Variants in SP4 observed in about 807,000 individuals in gnomAD.
SP4 encodes Sp4 transcription factor, also known as transcription factor Sp4.
Under a neutral mutation model 72.8 loss-of-function variants are expected in SP4, and 19 were observed. That is an observed-to-expected ratio of 0.26 (90% CI 0.18 to 0.38). The LOEUF is 0.38. Ranked by LOEUF, SP4 falls within the 10% of genes least tolerant of loss-of-function variation. The pLI is 1.00. For missense variants in SP4, 1,008 were observed against 926.3 expected (o/e 1.09, Z -1.14); for synonymous variants, 395 against 333.1 (o/e 1.19, Z -2.02).
chr7:21,479,298 C>T (rs1473157077), intron 4 of SP4, among the ~76,000 whole-genome samples: 1 of 148,460 alleles, frequency 6.7e-6, no homozygotes, highest in African/African-American at 2.5e-5. Flanking sequence ...ATAGTTTTTA[C>T]TCTTACATTT....
At chr7:21,487,724 CTT>C (rs1449754852) in intron 5 of SP4, among the ~76,000 whole-genome samples, 1 of 133,240 alleles carries the variant, frequency 7.5e-6, no homozygotes, top group Non-Finnish European at 1.6e-5. Flanking sequence ...TCCAGTGATT[CTT>C]TGTTTTTGTT....
intron 3 of SP4, among the ~76,000 whole-genome samples, chr7:21,451,248 T>G (rs906543632): frequency 3.3e-5 from 5 of 152,230 alleles, no homozygotes; most frequent in African/African-American, 7.2e-5. Flanking sequence ...TCCTGAGATC[T>G]TATCAGGAAG....
At chr7:21,490,346 A>G (rs993673296) in intron 5 of SP4, among the ~76,000 whole-genome samples, 2 of 152,220 alleles carry the variant, frequency 1.3e-5, no homozygotes, top group Admixed American at 6.5e-5. Flanking sequence ...CTTTTGCTCC[A>G]AAACCAGTTC....
intron 5 of SP4, among the ~76,000 whole-genome samples, chr7:21,499,262 T>A (rs1781806547): frequency 6.6e-6 from 1 of 152,172 alleles, no homozygotes; most frequent in Non-Finnish European, 1.5e-5. Flanking sequence ...TTTAAAAATG[T>A]CCCTTTAGTG....
At chr7:21,447,509 G>A (rs1021390590) in intron 3 of SP4, among the ~76,000 whole-genome samples, 1 of 152,170 alleles carries the variant, frequency 6.6e-6, no homozygotes, top group Admixed American at 6.6e-5. Context: ...ATTCTAGAAG[G>A]TGAAGAATAT....
At chr7:21,460,101 G>A (rs1783906828) in intron 3 of SP4, among the ~76,000 whole-genome samples, 1 of 152,154 alleles carries the variant, frequency 6.6e-6, no homozygotes, top group Admixed American at 6.5e-5. Context: ...GAGAAAAGGA[G>A]AGCCCTAACA....
rs959125663 is a variant in SP4, at chr7:21,429,436, G to C, written c.271G>C (p.Glu91Gln). Residue 91 changes from glutamate to glutamine, a missense_variant, in exon 3 of 6, where the codon GAA becomes CAA. Glu to Gln is a conservative substitution (Grantham distance 29). Coordinates refer to ENST00000222584, the MANE Select transcript of SP4 (RefSeq NM_003112.5). ...VQLQNQPQQLELVTTQLAGNA... is the reference protein window; with the variant it reads ...VQLQNQPQQLQLVTTQLAGNA... ...ACTTCAAAATCAACCACAACAGCTA[G>C]AACTGGTAACAACGCAACTTGCTGG... 6.2e-7 allele frequency: 1 copy of C among 1,614,036 alleles called. No individual in the cohort carries two copies. The highest frequency in any genetic ancestry group is 1.3e-5 in the African/African-American group (1 of 74,902).
chr7:21,451,288 G>A (rs921073309), intron 3 of SP4, among the ~76,000 whole-genome samples: 4 of 152,146 alleles, frequency 2.6e-5, no homozygotes, highest in Non-Finnish European at 5.9e-5. Flanking sequence ...GGTGTTTCTA[G>A]CTACTGAGAG....
At position 21,488,073 on chromosome 7, in the gene SP4, C is replaced by G. The variant is rs78114309; in HGVS notation, c.2107+5950C>G. ...GAGACAGATTTTTCTCAGTGTTGCCCAGGCTGGTGTTGAACTCCTGAGCTC... is the reference window on the plus strand; with the variant it reads ...GAGACAGATTTTTCTCAGTGTTGCCGAGGCTGGTGTTGAACTCCTGAGCTC... On this transcript the variant is annotated intron_variant, in intron 5 of 5. Coordinates refer to ENST00000222584, the MANE Select transcript of SP4 (RefSeq NM_003112.5). Among the ~76,000 whole-genome samples, 3 of 151,946 alleles carry G rather than the reference C, an allele frequency of 2.0e-5. No individual in the cohort carries two copies. In the East Asian group the frequency reaches 5.8e-4, roughly 29 times the overall value.
chr7:21,506,114 C>T (rs1335584597), intron 5 of SP4, among the ~76,000 whole-genome samples: 1 of 152,178 alleles, frequency 6.6e-6, no homozygotes, highest in East Asian at 1.9e-4. Flanking sequence ...AGTGACGCCT[C>T]AATTTGTTTT....
intron 3 of SP4, among the ~76,000 whole-genome samples, chr7:21,450,993 G>C (rs564558636): frequency 6.6e-6 from 1 of 152,312 alleles, no homozygotes; most frequent in South Asian, 2.1e-4. Context: ...CTTTGACTTG[G>C]GGTCTTATAT....
intron 3 of SP4, among the ~76,000 whole-genome samples, chr7:21,443,058 AC>A (rs1460127086): frequency 6.6e-6 from 1 of 152,254 alleles, no homozygotes; most frequent in Non-Finnish European, 1.5e-5. Flanking sequence ...TGTAAACATT[AC>A]AAAATTGAGA....
At chr7:21,495,190 A>C (rs1038896927) in intron 5 of SP4, among the ~76,000 whole-genome samples, 2 of 152,174 alleles carry the variant, frequency 1.3e-5, no homozygotes, top group African/African-American at 4.8e-5. Context: ...GTGCTTTAAC[A>C]CAACTCCGAA....
chr7:21,472,956 AT>A (rs1238585021), intron 3 of SP4, among the ~76,000 whole-genome samples: 6 of 152,324 alleles, frequency 3.9e-5, no homozygotes, highest in African/African-American at 1.4e-4. Flanking sequence ...AGATTTGGTC[AT>A]TAGAAGGAAG....
chr7:21,446,030 G>GTT lies in SP4; in HGVS notation c.1678+15187_1678+15188insTT, dbSNP rs1783416597. On this transcript the variant is annotated intron_variant, in intron 3 of 5. Coordinates refer to ENST00000222584, the MANE Select transcript of SP4 (RefSeq NM_003112.5). ...TGTGTGTGTGTGTGTGTGTGTGTGT[G>GTT]CACGCATATGTAGGTAGATATATAT... 3.0e-5 allele frequency among the ~76,000 whole-genome samples: 4 copies of GTT among 134,652 alleles called. No individual in the cohort carries two copies. In the South Asian group the frequency reaches 9.8e-4, roughly 33 times the overall value. 88.3% of individuals were successfully genotyped at this position (134,652 alleles called of 152,430 possible).
Position 21,430,362 on chromosome 7 carries a change from A to G in SP4, c.1197A>G (p.Val399=), listed in dbSNP as rs1479485880. ...ATTCTCTTCAGCAGGTGCAAATTGT[A>G]GGCCAACCTATCTTACAGCAGATCC... is the stretch of plus-strand genomic sequence containing the variant. ...QSNSLQQVQI[V]GQPILQQIQI... Residue 399 remains valine (V), a synonymous_variant, in exon 3 of 6, where the codon GTA becomes GTG. Transcript: ENST00000222584. 6.2e-7 allele frequency: 1 copy of G among 1,614,092 alleles called. No individual in the cohort carries two copies. The highest frequency in any genetic ancestry group is 1.3e-5 in the African/African-American group (1 of 74,934).
chr7:21,439,476 A>T (rs1313264045), intron 3 of SP4, among the ~76,000 whole-genome samples: 1 of 149,732 alleles, frequency 6.7e-6, no homozygotes, highest in Admixed American at 6.6e-5. Context: ...GTAATTTCTC[A>T]TTCCCTACTC....
chr7:21,429,934 C>G lies in SP4; in HGVS notation c.769C>G (p.Leu257Val), dbSNP rs764078608. The change falls in exon 3 of 6, where the codon CTA becomes GTA. Residue 257 changes from leucine (L) to valine (V), a missense_variant. Transcript: ENST00000222584. ...TACTCAGGCTCAAGTTGTAACAACC[C>G]TACCAATTAACATTGGAGGAGTGAC... ...PGTQAQVVTT[L>V]PINIGGVTLA... 1.2e-6 allele frequency: 2 copies of G among 1,614,060 alleles called. No homozygotes were observed. Among genetic ancestry groups the G allele is most frequent in the African/African-American group, 2.7e-5 (2 of 74,920 alleles).
intron 3 of SP4, among the ~76,000 whole-genome samples, chr7:21,468,631 T>C (rs1784240005): frequency 6.6e-6 from 1 of 152,008 alleles, no homozygotes; most frequent in South Asian, 2.1e-4. Flanking sequence ...CATATTATAA[T>C]AATTTGTTGA....
Sources: gnomAD v4.1 joint callset for allele counts (sites outside exome capture counted in the v4.1 genomes callset) on GRCh38, gnomAD v4.1.1 for gene constraint, MANE v1.5 for transcripts, NCBI Gene and HGNC (gene_info 2026-07-23, HGNC 2026-07-21) for gene names.